The following VIM variants were observed in gnomAD, a reference collection of about 807,000 sequenced individuals.
The protein encoded by VIM is epididymis secretory sperm binding protein.
A neutral mutation model predicts 50.3 loss-of-function variants in VIM; 18 were observed. The ratio of observed to expected loss-of-function variants is 0.36; its 90% CI spans 0.25 to 0.53. VIM has a LOEUF of 0.53. Among genes scored for constraint, VIM ranks in the 20% least tolerant of loss-of-function variants. VIM has a pLI of 0.91. For missense variants in VIM, 551 were observed against 614.7 expected (o/e 0.90, Z 1.10); for synonymous variants, 245 against 248.5 (o/e 0.99, Z 0.13).
chr10:17,235,042 C>A, intron 6 of VIM, 127 bp from the exon 7 acceptor site: 1 of 1,227,884 alleles, frequency 8.1e-7, no homozygotes. Context: ...CTCGCATTCT[C>A]CACCTAAAAT....
At position 17,233,584 on chromosome 10, in the gene VIM, T is replaced by C. The variant is rs1468997347; in HGVS notation, c.625-3T>C. The stretch of plus-strand genomic sequence containing the variant: ...TGTCCTGTCTTTTCTCTGTTCAAAA[T>C]AGGATGTTGACAATGCGTCTCTGGC... On this transcript the variant is annotated splice_region_variant and splice_polypyrimidine_tract_variant and intron_variant, in intron 3 of 9. Transcript: ENST00000544301. 2 of 1,613,878 alleles carry C rather than the reference T, an allele frequency of 1.2e-6. No homozygotes were observed. The highest frequency in any genetic ancestry group is 1.7e-5 in the Admixed American group (1 of 60,004).
chr10:17,236,466 C>G, intron 9 of VIM, 87 bp downstream of exon 9: 1 of 1,158,922 alleles, frequency 8.6e-7, no homozygotes, highest in South Asian at 1.2e-5. Flanking sequence ...TCAGATACAG[C>G]TGGCTAATTT....
At chr10:17,231,593 G>A (rs975552788) in intron 3 of VIM, among the ~76,000 whole-genome samples, 2 of 152,160 alleles carry the variant, frequency 1.3e-5, no homozygotes, top group African/African-American at 4.8e-5. Flanking sequence ...TCTAATATCT[G>A]GCCCAGACTT....
At chr10:17,235,963 T>C in intron 8 of VIM, 74 bp downstream of exon 8, 1 of 1,481,572 alleles carries the variant, frequency 6.7e-7, no homozygotes, top group South Asian at 1.1e-5. Flanking sequence ...AGCATTCATT[T>C]TTTTTAGGAT....
At position 17,233,916 on chromosome 10, in the gene VIM, A is replaced by G; in HGVS notation, c.867A>G (p.Glu289=). The part of the protein sequence containing the change: ...VAAKNLQEAE[E]WYKSKFADLS... ...CCAAGAACCTGCAGGAGGCAGAAGA[A>G]TGGTACAAATCCAAGGTAGGAAACA... is the stretch of plus-strand genomic sequence containing the variant. Residue 289 remains glutamate (E), a synonymous_variant, in exon 5 of 10, where the codon GAA becomes GAG. Transcript: ENST00000544301. 6.2e-7 allele frequency: 1 copy of G among 1,613,840 alleles called. No individual in the cohort carries two copies.
Position 17,229,700 on chromosome 10 carries a change from A to C in VIM, c.278A>C (p.Asn93Thr), listed in dbSNP as rs1259476721. 2 of 1,570,268 alleles carry C rather than the reference A, an allele frequency of 1.3e-6. No individual in the cohort carries two copies. The highest frequency in any genetic ancestry group is 1.9e-5 in the Admixed American group (1 of 53,152). ...SVDFSLADAI[N>T]TEFKNTRTNE... The stretch of plus-strand genomic sequence containing the variant: ...GACTTCTCGCTGGCCGACGCCATCA[A>C]CACCGAGTTCAAGAACACCCGCACC... The change falls in exon 2 of 10, where the codon AAC becomes ACC. Residue 93 changes from asparagine to threonine, a missense_variant. Coordinates refer to ENST00000544301, the MANE Select transcript of VIM (RefSeq NM_003380.5).
At chr10:17,229,092 G>A (rs948704993) in intron 1 of VIM, 184 bp from the exon 2 acceptor site, 3 of 460,812 alleles carry the variant, frequency 6.5e-6, no homozygotes, top group Non-Finnish European at 1.2e-5. Flanking sequence ...CTGAAGTAAC[G>A]GGACCATGCC....
rs55877356 is a variant in VIM at position 17,229,207 on chromosome 10, G to C, written c.-147-69G>C. 0.035 allele frequency: 12,364 copies of C among 353,666 alleles called. 211 individuals are homozygous for C. Among genetic ancestry groups the C allele is most frequent in the Middle Eastern group, 0.062 (64 of 1,038 alleles). The allele number at this position is 353,666 out of a possible 1,614,324, so 21.9% of individuals were successfully genotyped here. ...CTATTGGCTGGCGCGCTCCGCGGCT[G>C]GGATGGCAGTGGGAGGGGACCCTCT... On this transcript the variant is annotated intron_variant, in intron 1 of 9. Coordinates refer to ENST00000544301, the MANE Select transcript of VIM (RefSeq NM_003380.5).
In VIM at chr10:17,228,527, G is replaced by C. The variant is rs1422348389; in HGVS notation, c.-148+3G>C. 1 of 152,300 alleles carries C rather than the reference G, an allele frequency of 6.6e-6. No individual in the cohort carries two copies. The highest frequency in any genetic ancestry group is 1.5e-5 in the Non-Finnish European group (1 of 68,130). The allele number at this position is 152,300 out of a possible 1,614,324, so 9.4% of individuals were successfully genotyped here. A position where few individuals can be genotyped will look rare whatever the true frequency, so the allele number is the denominator to read the frequency against. On this transcript the variant is annotated splice_donor_region_variant and intron_variant, in intron 1 of 9. Transcript: ENST00000544301. Reference sequence around the variant, plus strand: ...AATCGGCGGGACAGCAGGGCGCGGTGAGTCACCGCCGGTGACTAAGCGACC... The same window carrying C: ...AATCGGCGGGACAGCAGGGCGCGGTCAGTCACCGCCGGTGACTAAGCGACC...
chr10:17,235,711 C>T (rs1011696104), intron 7 of VIM, 135 bp from the exon 8 acceptor site: 52 of 897,720 alleles, frequency 5.8e-5, no homozygotes, highest in Non-Finnish European at 8.4e-5. Flanking sequence ...GAAAATGTTT[C>T]TGAGACAAAT....
chr10:17,230,538 G>A lies in VIM; in HGVS notation c.564-112G>A, dbSNP rs535372118. 2.0e-5 allele frequency: 24 copies of A among 1,217,524 alleles called. No individual in the cohort carries two copies. In the African/African-American group the frequency reaches 3.3e-4, roughly 17 times the overall value. 75.4% of individuals were successfully genotyped at this position (1,217,524 alleles called of 1,614,324 possible). A position where few individuals can be genotyped will look rare whatever the true frequency, so the allele number is the denominator to read the frequency against. On this transcript the variant is annotated intron_variant, in intron 2 of 9. Transcript: ENST00000544301. ...GAAAGCTGCAGGCGCTAGTTGCGCGGAGGTGGCGCAGCTGCTCTGGAGGCG... is the reference window on the plus strand; with the variant it reads ...GAAAGCTGCAGGCGCTAGTTGCGCGAAGGTGGCGCAGCTGCTCTGGAGGCG...
At chr10:17,233,212 T>C (rs1846826945) in intron 3 of VIM, 1 of 310,252 alleles carries the variant, frequency 3.2e-6, no homozygotes, top group Admixed American at 4.7e-5. Context: ...CCTCCCAAAG[T>C]GCTGGGATTA....
chr10:17,237,262 C>A lies in VIM; in HGVS notation c.1392C>A (p.Asp464Glu), dbSNP rs781197884. The A allele has an allele frequency of 2.9e-5, 47 of 1,605,740 alleles. No homozygotes were observed. The highest frequency in any genetic ancestry group is 3.8e-5 in the Non-Finnish European group (45 of 1,175,454). Residue 464 changes from aspartate (D) to glutamate (E), a missense_variant, in exon 10 of 10, where the codon GAC becomes GAA. Around this residue, in one of 3 missense-constraint regions of VIM, gnomAD observed 394 missense variants for 437.5 expected, o/e 0.90. Coordinates refer to ENST00000544301, the MANE Select transcript of VIM (RefSeq NM_003380.5). The part of the protein sequence containing the change: ...VINETSQHHD[D>E]LE ...ACGAAACTTCTCAGCATCACGATGACCTTGAATAAAAATTGCACACACTCA... is the reference window on the plus strand; with the variant it reads ...ACGAAACTTCTCAGCATCACGATGAACTTGAATAAAAATTGCACACACTCA...
chr10:17,230,519 T>G, intron 2 of VIM, 131 bp from the exon 3 acceptor site: 1 of 1,039,894 alleles, frequency 9.6e-7, no homozygotes, highest in Non-Finnish European at 1.5e-6. Flanking sequence ...GTCTGAAAGC[T>G]GCAGGCGCTA....
At chr10:17,232,640 T>C (rs1302611019) in intron 3 of VIM, among the ~76,000 whole-genome samples, 3 of 152,252 alleles carry the variant, frequency 2.0e-5, no homozygotes, top group Non-Finnish European at 4.4e-5. Context: ...TTTCCATTTT[T>C]TCCTGAACTG....
In VIM at chr10:17,234,828, A is replaced by ACCCTGC; in HGVS notation, c.1008+10_1008+11insCCCTGC. Reference sequence around the variant, plus strand: ...TGCCCTTAAAGGAACCGTGAGTACCAACCCTGCAGTAAAAGAGGGAAAATA... The same window carrying ACCCTGC: ...TGCCCTTAAAGGAACCGTGAGTACCACCCTGCACCCTGCAGTAAAAGAGGGAAAATA... On this transcript the variant is annotated intron_variant, in intron 6 of 9. Transcript: ENST00000544301. 1 of 1,614,148 alleles carries ACCCTGC rather than the reference A, an allele frequency of 6.2e-7. No individual in the cohort carries two copies. The highest frequency in any genetic ancestry group is 8.5e-7 in the Non-Finnish European group (1 of 1,180,010).
intron 3 of VIM, chr10:17,233,305 C>T: frequency 2.4e-6 from 1 of 413,756 alleles, no homozygotes; most frequent in Non-Finnish European, 4.5e-6. Flanking sequence ...TGATTGAGTG[C>T]AGTTTACCAT....
rs2131679216 is a variant in VIM, at chr10:17,229,408, C to G, written c.-15C>G. 1.3e-6 allele frequency: 2 copies of G among 1,596,088 alleles called. No homozygotes were observed. The highest frequency in any genetic ancestry group is 4.6e-5 in the East Asian group (2 of 43,926). On this transcript the variant is annotated 5_prime_UTR_variant, in exon 2 of 10. Coordinates refer to ENST00000544301, the MANE Select transcript of VIM (RefSeq NM_003380.5). ...GCCACCGCCGCCGCCCAGGCCATCG[C>G]CACCCTCCGCAGCCATGTCCACCAG...
intron 2 of VIM, 31 bp downstream of exon 2, chr10:17,230,016 C>G: frequency 6.3e-7 from 1 of 1,586,178 alleles, no homozygotes; most frequent in Non-Finnish European, 8.6e-7. Flanking sequence ...GTAGCTGGGC[C>G]TCGGGAGGGG....
Sources: gnomAD v4.1 joint callset for allele counts (sites outside exome capture counted in the v4.1 genomes callset) on GRCh38, gnomAD v4.1.1 for gene constraint, gnomAD v4.1.1 regional missense constraint, MANE v1.5 for transcripts, NCBI Gene and HGNC (gene_info 2026-07-23, HGNC 2026-07-21) for gene names.